The following TENM2 variants were observed in gnomAD, a reference collection of about 807,000 sequenced individuals.
TENM2 encodes the protein teneurin-2.
A neutral mutation model predicts 245.2 loss-of-function variants in TENM2; 52 were observed. That is an observed-to-expected ratio of 0.21 (90% confidence interval 0.17 to 0.27). The LOEUF is 0.27. Among genes scored for constraint, TENM2 ranks in the 10% least tolerant of loss-of-function variants. The pLI, the probability that TENM2 is intolerant of heterozygous loss-of-function variation, is 1.00. For missense variants in TENM2, 3,046 were observed against 3,666.8 expected (o/e 0.83, Z 4.37); for synonymous variants, 1,363 against 1,438.9 (o/e 0.95, Z 1.19).
intron 2 of TENM2, among the ~76,000 whole-genome samples, chr5:167,746,710 A>AGAGAGAGAGAGAGAGCGAGAGAGAGAGC (rs761614775): frequency 1.4e-5 from 2 of 144,862 alleles, no homozygotes; most frequent in Admixed American, 6.8e-5. Context: ...AGAGAGAGAG[A>AGAGAGAGAGAGAGAGCGAGAGAGAGAGC]GAGAGCTGGA....
chr5:167,252,441 G>A, the TENM2 span, among the ~76,000 whole-genome samples: 2 of 152,166 alleles, frequency 1.3e-5, no homozygotes, highest in East Asian at 3.9e-4. Flanking sequence ...TTCCTTTCGC[G>A]TTGTCATTTG....
chr5:167,858,142 C>T (rs1042339787), intron 2 of TENM2, among the ~76,000 whole-genome samples: 5 of 152,212 alleles, frequency 3.3e-5, no homozygotes, highest in African/African-American at 1.2e-4. Flanking sequence ...AAAAGCAAGA[C>T]ACAGCAGGTC....
intron 5 of TENM2, among the ~76,000 whole-genome samples, chr5:168,022,726 T>C (rs908872701): frequency 6.6e-6 from 1 of 152,208 alleles, no homozygotes; most frequent in South Asian, 2.1e-4. Context: ...CAAAAGCATG[T>C]ATAGTGTTTC....
At chr5:167,200,912 G>A in the TENM2 span, among the ~76,000 whole-genome samples, 2 of 152,120 alleles carry the variant, frequency 1.3e-5, no homozygotes, top group South Asian at 2.1e-4. Flanking sequence ...AGTAAGAAAG[G>A]CATTGAGTTC....
chr5:167,689,678 G>T (rs1561674767), intron 2 of TENM2, among the ~76,000 whole-genome samples: 1 of 152,222 alleles, frequency 6.6e-6, no homozygotes, highest in Non-Finnish European at 1.5e-5. Flanking sequence ...TGGAATAGTA[G>T]GTCCCGTTTA....
chr5:168,260,549 A>G (rs1581800292), intron 28 of TENM2, 136 bp downstream of exon 30: 2 of 988,870 alleles, frequency 2.0e-6, no homozygotes, highest in Admixed American at 5.1e-5. Flanking sequence ...ACACATTGAG[A>G]CTTCCCAGGA....
chr5:167,966,764 C>A (rs1475482694), intron 4 of TENM2, among the ~76,000 whole-genome samples: 1 of 152,156 alleles, frequency 6.6e-6, no homozygotes, highest in Non-Finnish European at 1.5e-5. Flanking sequence ...ACCTAGGCAA[C>A]CTGTTTGCTT....
chr5:167,865,299 T>A (rs75904225), intron 2 of TENM2, among the ~76,000 whole-genome samples: 9,337 of 152,246 alleles, frequency 0.061, 409 homozygotes, highest in Non-Finnish European at 0.093. Context: ...TTTATTTTTT[T>A]GTAGAGTGTT....
At chr5:167,936,380 AT>A (rs1177223302) in intron 3 of TENM2, among the ~76,000 whole-genome samples, 1 of 152,240 alleles carries the variant, frequency 6.6e-6, no homozygotes, top group African/African-American at 2.4e-5. Flanking sequence ...TACAAAAACG[AT>A]TAACGATATG....
At chr5:167,689,788 G>A (rs1220923430) in intron 2 of TENM2, among the ~76,000 whole-genome samples, 3 of 151,944 alleles carry the variant, frequency 2.0e-5, no homozygotes, top group Non-Finnish European at 2.9e-5. Flanking sequence ...TTGAGATGGA[G>A]TCTCGCTCTG....
intron 5 of TENM2, 70 bp from the exon 8 acceptor site, chr5:168,047,357 G>A: frequency 3.3e-6 from 5 of 1,533,660 alleles, no homozygotes; most frequent in East Asian, 2.5e-5. Flanking sequence ...AAGGGCACCT[G>A]GCCCTCCCCC....
At chr5:167,713,702 A>G (rs962597373) in intron 2 of TENM2, among the ~76,000 whole-genome samples, 1 of 152,208 alleles carries the variant, frequency 6.6e-6, no homozygotes, top group African/African-American at 2.4e-5. Flanking sequence ...TTTGGTGAGC[A>G]CACATGCACG....
intron 12 of TENM2, among the ~76,000 whole-genome samples, chr5:168,152,017 A>G (rs1816402): frequency 0.33 from 49,846 of 152,138 alleles, 8,641 homozygotes; most frequent in African/African-American, 0.4. Context: ...CTATAGAGCC[A>G]TTGGCTGGTG....
chr5:168,244,706 A>G lies in TENM2; in HGVS notation c.5807A>G (p.Tyr1936Cys), dbSNP rs1171396068. ...GACGGGAAAGTGTGGAGCTACTCCT[A>G]CCTTGACAAGGTAGGTGAACATGCT... Residue 1936 changes from tyrosine (Y) to cysteine (C), a missense_variant, in exon 26 of 29, where the codon TAC (tyrosine) becomes TGC (cysteine). Tyr to Cys is a radical substitution (Grantham distance 194, BLOSUM62 -2). Around this residue, in one of 2 missense-constraint regions of TENM2, gnomAD observed 2,704 missense variants for 3,331.9 expected, o/e 0.81. Coordinates refer to ENST00000518659, the Ensembl canonical transcript of TENM2. This position sits in a 1 kb window ranked among gnomAD's most constrained non-coding sequence, Gnocchi z 4.9. 6.9e-7 allele frequency: 1 copy of G among 1,455,336 alleles called. No homozygotes were observed. The highest frequency in any genetic ancestry group is 9.1e-7 in the Non-Finnish European group (1 of 1,093,812). The allele number at this position is 1,455,336 out of a possible 1,614,324, so 90.2% of individuals were successfully genotyped here. A position where few individuals can be genotyped will look rare whatever the true frequency, so the allele number is the denominator to read the frequency against.
the TENM2 span, among the ~76,000 whole-genome samples, chr5:166,990,854 T>G: frequency 1.3e-5 from 2 of 152,346 alleles, no homozygotes; most frequent in South Asian, 4.1e-4. Context: ...ATCTACGCTA[T>G]TAGACTGTTG....
intron 12 of TENM2, among the ~76,000 whole-genome samples, chr5:168,128,410 C>G: frequency 6.6e-6 from 1 of 152,148 alleles, no homozygotes; most frequent in Non-Finnish European, 1.5e-5. Context: ...CATGAAGATT[C>G]CCCTCCCCAT....
At chr5:167,957,347 T>C (rs1780640887) in intron 4 of TENM2, among the ~76,000 whole-genome samples, 2 of 152,200 alleles carry the variant, frequency 1.3e-5, no homozygotes, top group Admixed American at 1.3e-4. Context: ...TTGTTGTGTC[T>C]ATTTGATTCT....
the TENM2 span, among the ~76,000 whole-genome samples, chr5:167,160,600 C>T: frequency 2.6e-5 from 4 of 152,268 alleles, no homozygotes; most frequent in Non-Finnish European, 5.9e-5. Flanking sequence ...TTTCAGGCCT[C>T]AGCTTAATTG....
the TENM2 span, among the ~76,000 whole-genome samples, chr5:166,995,379 A>G: frequency 6.6e-6 from 1 of 151,744 alleles, no homozygotes; most frequent in Non-Finnish European, 1.5e-5. Context: ...AGCTGGGACT[A>G]CAGGTGCCTG....
Sources: gnomAD v4.1 joint callset for allele counts (sites outside exome capture counted in the v4.1 genomes callset) on GRCh38, gnomAD v4.1.1 for gene constraint, gnomAD v4.1.1 regional missense constraint, Gnocchi (gnomAD v3.1) non-coding constraint, MANE v1.5 for transcripts, NCBI Gene and HGNC (gene_info 2026-07-23, HGNC 2026-07-21) for gene names.